SRD5A2: variants seen among roughly 807,000 people sequenced by gnomAD.
SRD5A2 encodes steroid 5 alpha-reductase 2.
SRD5A2 carries 30 observed loss-of-function variants against 27.4 expected under a neutral mutation model. That is an observed-to-expected ratio of 1.10 (90% CI 0.82 to 1.49). The LOEUF (loss-of-function observed/expected upper bound fraction) is 1.49, where lower values mean the gene tolerates loss of function less well. SRD5A2 is among the 40% of genes most tolerant of loss of function. SRD5A2 has a pLI of 0.00. For synonymous variants in SRD5A2, 141 were observed against 133.6 expected (o/e 1.06, Z -0.38); for missense variants, 348 against 323.4 (o/e 1.08, Z -0.58).
At chr2:31,532,363 A>T (rs972768070) in intron 2 of SRD5A2, among the ~76,000 whole-genome samples, 12 of 77,228 alleles carry the variant, frequency 1.6e-4, no homozygotes, top group Admixed American at 2.4e-4. Flanking sequence ...CTGCCAGTTC[A>T]CACACACACA....
chr2:31,642,842 C>A, the SRD5A2 span, among the ~76,000 whole-genome samples: 1 of 151,934 alleles, frequency 6.6e-6, no homozygotes, highest in Non-Finnish European at 1.5e-5. Context: ...ACTACTCAGA[C>A]AAAAAGTGAC....
chr2:31,539,350 A>G (rs1666086391), intron 1 of SRD5A2, among the ~76,000 whole-genome samples: 1 of 152,226 alleles, frequency 6.6e-6, no homozygotes, highest in African/African-American at 2.4e-5. Flanking sequence ...AAGGAATGAG[A>G]AAAAGGGAAA....
At chr2:31,645,596 A>G in the SRD5A2 span, among the ~76,000 whole-genome samples, 1 of 152,320 alleles carries the variant, frequency 6.6e-6, no homozygotes. Context: ...AAAAGTTTAT[A>G]TTCACTCTGG....
At chr2:31,536,765 T>G (rs571251854) in intron 1 of SRD5A2, among the ~76,000 whole-genome samples, 3 of 152,362 alleles carry the variant, frequency 2.0e-5, no homozygotes, top group African/African-American at 7.2e-5. Context: ...CCCAAGAGGC[T>G]GGCAATTGGT....
chr2:31,578,497 G>A (rs1248546825), intron 1 of SRD5A2, among the ~76,000 whole-genome samples: 1 of 152,158 alleles, frequency 6.6e-6, no homozygotes, highest in African/African-American at 2.4e-5. Flanking sequence ...GTATGAGGAT[G>A]AGTAAATTAT....
At chr2:31,548,876 AT>A (rs2148077142) in intron 1 of SRD5A2, among the ~76,000 whole-genome samples, 1 of 152,244 alleles carries the variant, frequency 6.6e-6, no homozygotes, top group South Asian at 2.1e-4. Context: ...AAAATGTGGT[AT>A]ATACTTACAA....
chr2:31,639,615 C>G, the SRD5A2 span, among the ~76,000 whole-genome samples: 1 of 151,968 alleles, frequency 6.6e-6, no homozygotes, highest in East Asian at 1.9e-4. Context: ...TGCTGGATAC[C>G]ATTTCTCACA....
intron 1 of SRD5A2, among the ~76,000 whole-genome samples, chr2:31,546,846 C>T (rs1447013204): frequency 6.6e-6 from 1 of 152,088 alleles, no homozygotes; most frequent in African/African-American, 2.4e-5. Context: ...CCTGTAATCC[C>T]AGCACTTTGG....
intron 1 of SRD5A2, among the ~76,000 whole-genome samples, chr2:31,578,300 G>A (rs988290277): frequency 6.6e-5 from 10 of 152,000 alleles, no homozygotes; most frequent in Non-Finnish European, 2.9e-5. Flanking sequence ...CAAGAATGAG[G>A]TCGCATTTAT....
At position 31,526,149 on chromosome 2, in the gene SRD5A2, T is replaced by C. The variant is rs1416102733; in HGVS notation, c.*47A>G. The C allele has an allele frequency of 8.1e-7, 1 of 1,241,906 alleles. No homozygotes were observed. Among genetic ancestry groups the C allele is most frequent in the East Asian group, 2.5e-5 (1 of 40,030 alleles). The allele number at this position is 1,241,906 out of a possible 1,614,324, so 76.9% of individuals were successfully genotyped here. On this transcript the variant is annotated 3_prime_UTR_variant, in exon 5 of 5. Coordinates refer to ENST00000622030, the MANE Select transcript of SRD5A2 (RefSeq NM_000348.4). Reference sequence around the variant, plus strand: ...AATTACAGTTTCAGCAGCTTGACAGTTTTCATCAGCATTGTGGGAGCTCTG... The same window carrying C: ...AATTACAGTTTCAGCAGCTTGACAGCTTTCATCAGCATTGTGGGAGCTCTG...
chr2:31,618,832 T>G, the SRD5A2 span, among the ~76,000 whole-genome samples: 1 of 152,154 alleles, frequency 6.6e-6, no homozygotes. Context: ...AGATTTTTAA[T>G]GTTCTCACCA....
chr2:31,533,846 A>C, intron 1 of SRD5A2, 80 bp from the exon 2 acceptor site: 16 of 1,456,716 alleles, frequency 1.1e-5, no homozygotes, highest in Non-Finnish European at 1.4e-5. Context: ...TCTTAAGCTC[A>C]CACCAGAAGG....
the SRD5A2 span, among the ~76,000 whole-genome samples, chr2:31,650,079 T>C: frequency 3.3e-5 from 5 of 152,078 alleles, no homozygotes; most frequent in Admixed American, 6.5e-5. Context: ...CCAGACATCA[T>C]TGAACATTGT....
the SRD5A2 span, among the ~76,000 whole-genome samples, chr2:31,598,005 G>T: frequency 6.0e-4 from 92 of 152,120 alleles, no homozygotes; most frequent in Non-Finnish European, 1.1e-3. Context: ...TTGCACACAC[G>T]TTTATAGCAG....
rs549260020 is a variant in SRD5A2, at chr2:31,574,182, T to C, written c.281+6438A>G. 1.4e-4 allele frequency among the ~76,000 whole-genome samples: 21 copies of C among 152,312 alleles called. No individual in the cohort carries two copies. The South Asian group carries it at 3.7e-3, about 27-fold the overall frequency. On this transcript the variant is annotated intron_variant, in intron 1 of 4. Transcript: ENST00000622030. Reference sequence around the variant, plus strand: ...CAGACTGACGTTGCTGCCACCCAAGTTTCACACCAGAAAGAGTGAGAAGCA... The same window carrying C: ...CAGACTGACGTTGCTGCCACCCAAGCTTCACACCAGAAAGAGTGAGAAGCA...
intron 1 of SRD5A2, among the ~76,000 whole-genome samples, chr2:31,567,361 T>G (rs184400516): frequency 1.3e-5 from 2 of 152,222 alleles, no homozygotes; most frequent in Admixed American, 1.3e-4. Context: ...TTCACAGGCC[T>G]ACCTAGTTTT....
chr2:31,654,151 T>C, the SRD5A2 span, among the ~76,000 whole-genome samples: 1 of 150,300 alleles, frequency 6.7e-6, no homozygotes. Flanking sequence ...GTTCCAGAGA[T>C]ATGGGACTCA....
At chr2:31,646,010 C>T in the SRD5A2 span, among the ~76,000 whole-genome samples, 2 of 152,104 alleles carry the variant, frequency 1.3e-5, no homozygotes, top group Admixed American at 6.5e-5. Context: ...ACACTGAAAT[C>T]ACTTGCAACT....
intron 3 of SRD5A2, among the ~76,000 whole-genome samples, chr2:31,530,503 A>G (rs1665884036): frequency 6.6e-6 from 1 of 152,138 alleles, no homozygotes; most frequent in Admixed American, 6.6e-5. Flanking sequence ...AACCTCCTAA[A>G]TTATTTTTGT....
Sources: gnomAD v4.1 joint callset for allele counts (sites outside exome capture counted in the v4.1 genomes callset) on GRCh38, gnomAD v4.1.1 for gene constraint, MANE v1.5 for transcripts, NCBI Gene and HGNC (gene_info 2026-07-23, HGNC 2026-07-21) for gene names.